CREB5: variants seen among roughly 807,000 people sequenced by gnomAD.
CREB5 encodes cyclic AMP-responsive element-binding protein 5.
A neutral mutation model predicts 57.1 loss-of-function variants in CREB5; 19 were observed. That is an observed-to-expected ratio of 0.33 (90% CI 0.23 to 0.49). CREB5 has a LOEUF of 0.49. CREB5 is among the 20% of genes least tolerant of loss of function. CREB5 has a pLI of 0.99. For missense variants in CREB5, 579 were observed against 671.6 expected (o/e 0.86, Z 1.52); for synonymous variants, 238 against 238.3 (o/e 1.00, Z 0.01).
chr7:28,626,496 C>A (rs910789836), intron 5 of CREB5, among the ~76,000 whole-genome samples: 1 of 152,244 alleles, frequency 6.6e-6, no homozygotes, highest in Non-Finnish European at 1.5e-5. Flanking sequence ...GGTTAAGTAA[C>A]CTGCCCGTAG....
intron 5 of CREB5, among the ~76,000 whole-genome samples, chr7:28,681,170 A>G (rs1486120915): frequency 1.3e-5 from 2 of 151,948 alleles, no homozygotes; most frequent in Admixed American, 1.3e-4. Context: ...GCTGACTAGT[A>G]GATTTCCTAG....
At chr7:28,780,378 A>G (rs1398207559) in intron 7 of CREB5, among the ~76,000 whole-genome samples, 1 of 152,226 alleles carries the variant, frequency 6.6e-6, no homozygotes, top group Admixed American at 6.5e-5. Flanking sequence ...ACTAAGTAGT[A>G]GAAAAAAGTA....
At chr7:28,633,522 G>A (rs1181090767) in intron 5 of CREB5, among the ~76,000 whole-genome samples, 1 of 152,146 alleles carries the variant, frequency 6.6e-6, no homozygotes, top group African/African-American at 2.4e-5. Flanking sequence ...GAATACCTGA[G>A]GAAGTAAAGA....
chr7:28,401,970 C>A (rs1226784736), intron 1 of CREB5, among the ~76,000 whole-genome samples: 2 of 152,144 alleles, frequency 1.3e-5, no homozygotes, highest in African/African-American at 2.4e-5. Context: ...AGTTCTAGAT[C>A]CCTGAGGAAT....
At chr7:28,315,230 A>G (rs1314731064) in intron 1 of CREB5, among the ~76,000 whole-genome samples, 1 of 152,262 alleles carries the variant, frequency 6.6e-6, no homozygotes, top group Non-Finnish European at 1.5e-5. Flanking sequence ...AACAGGGACT[A>G]CAGCACAAAT....
intron 7 of CREB5, among the ~76,000 whole-genome samples, chr7:28,755,761 G>A (rs1014918860): frequency 6.6e-5 from 10 of 152,270 alleles, no homozygotes; most frequent in Admixed American, 6.5e-4. Context: ...CATTGATCCT[G>A]AGAGCTGCTC....
chr7:28,536,092 C>T (rs1484195761), intron 4 of CREB5, among the ~76,000 whole-genome samples: 1 of 152,086 alleles, frequency 6.6e-6, no homozygotes, highest in Non-Finnish European at 1.5e-5. Flanking sequence ...GTCTTGATTT[C>T]CCCATCTATG....
intron 4 of CREB5, among the ~76,000 whole-genome samples, chr7:28,518,963 A>G (rs539193514): frequency 1.6e-4 from 24 of 152,360 alleles, no homozygotes; most frequent in African/African-American, 4.6e-4. Flanking sequence ...GTTAGAATAC[A>G]TCAAGATCTG....
At chr7:28,803,869 G>T (rs1014719346) in intron 7 of CREB5, among the ~76,000 whole-genome samples, 4 of 151,710 alleles carry the variant, frequency 2.6e-5, no homozygotes, top group African/African-American at 9.7e-5. Context: ...GCATTCAGTT[G>T]TAGATACGAT....
chr7:28,758,518 A>G, intron 7 of CREB5, among the ~76,000 whole-genome samples: 1 of 152,186 alleles, frequency 6.6e-6, no homozygotes, highest in East Asian at 1.9e-4. Flanking sequence ...TAGCTTGTCA[A>G]TTCAGTGAGA....
intron 1 of CREB5, among the ~76,000 whole-genome samples, chr7:28,460,390 T>C (rs1409031566): frequency 6.6e-6 from 1 of 152,208 alleles, no homozygotes; most frequent in East Asian, 1.9e-4. Flanking sequence ...AGTGCTGTTA[T>C]TTCCCCTAAT....
chr7:28,336,875 G>T (rs1785833853), intron 1 of CREB5, among the ~76,000 whole-genome samples: 1 of 151,640 alleles, frequency 6.6e-6, no homozygotes, highest in Non-Finnish European at 1.5e-5. Flanking sequence ...GTATCTGATA[G>T]GTTTGGATAT....
intron 1 of CREB5, among the ~76,000 whole-genome samples, chr7:28,338,322 C>T (rs1785867511): frequency 6.6e-6 from 1 of 152,104 alleles, no homozygotes. Context: ...GATGAAATCC[C>T]TCAGTTTTTG....
chr7:28,416,864 A>G (rs1440093207), intron 1 of CREB5, among the ~76,000 whole-genome samples: 1 of 152,242 alleles, frequency 6.6e-6, no homozygotes, highest in Non-Finnish European at 1.5e-5. Context: ...ATAATCCTGC[A>G]GTAACAAGTC....
chr7:28,461,254 C>A (rs1435738779), intron 1 of CREB5, among the ~76,000 whole-genome samples: 1 of 151,476 alleles, frequency 6.6e-6, no homozygotes, highest in South Asian at 2.1e-4. Context: ...AAGATATAGT[C>A]CCCAGAGAAG....
intron 7 of CREB5, among the ~76,000 whole-genome samples, chr7:28,787,252 A>G (rs1308539662): frequency 1.3e-5 from 2 of 152,272 alleles, no homozygotes; most frequent in Admixed American, 1.3e-4. Flanking sequence ...CTCAAAACAC[A>G]TTGACTCAAT....
At chr7:28,585,714 C>A (rs1796282166) in intron 5 of CREB5, among the ~76,000 whole-genome samples, 1 of 152,066 alleles carries the variant, frequency 6.6e-6, no homozygotes, top group Non-Finnish European at 1.5e-5. Context: ...AGCCCCACCA[C>A]CAGAATTGTT....
At chr7:28,369,594 C>T (rs2041491) in intron 1 of CREB5, among the ~76,000 whole-genome samples, 115,208 of 152,168 alleles carry the variant, frequency 0.76, 43,980 homozygotes, top group East Asian at 0.99. Flanking sequence ...TTCAACTAAC[C>T]GTAGTTGTGG....
intron 4 of CREB5, among the ~76,000 whole-genome samples, chr7:28,515,236 C>G (rs1792893097): frequency 6.6e-6 from 1 of 152,118 alleles, no homozygotes; most frequent in Non-Finnish European, 1.5e-5. Context: ...AATAAACTGT[C>G]AAGAGAGACA....
Sources: allele counts gnomAD v4.1 joint callset (sites outside exome capture counted in the v4.1 genomes callset), GRCh38; gene constraint gnomAD v4.1.1; transcripts MANE v1.5; gene names NCBI Gene and HGNC (gene_info 2026-07-23, HGNC 2026-07-21).